UNC5D: variants seen among roughly 807,000 people sequenced by gnomAD.
UNC5D encodes the protein netrin receptor UNC5D.
Under a neutral mutation model 105.4 loss-of-function variants are expected in UNC5D, and 39 were observed. That is an observed-to-expected ratio of 0.37 (90% CI 0.29 to 0.48). UNC5D has a LOEUF of 0.48. Ranked by LOEUF, UNC5D falls within the 20% of genes least tolerant of loss-of-function variation. The pLI, the probability that UNC5D is intolerant of heterozygous loss-of-function variation, is 0.98. For missense variants in UNC5D, 991 were observed against 1,202.4 expected (o/e 0.82, Z 2.60); for synonymous variants, 452 against 450.4 (o/e 1.00, Z -0.04).
At chr8:35,659,415 A>G (rs1367606939) in intron 4 of UNC5D, among the ~76,000 whole-genome samples, 1 of 152,242 alleles carries the variant, frequency 6.6e-6, no homozygotes, top group Non-Finnish European at 1.5e-5. Context: ...CAATGTGATC[A>G]TGGAAACAAA....
chr8:35,668,792 C>T (rs1185430106), intron 4 of UNC5D, among the ~76,000 whole-genome samples: 9 of 152,084 alleles, frequency 5.9e-5, no homozygotes, highest in Non-Finnish European at 1.3e-4. Flanking sequence ...TTTTAATTAA[C>T]ACACTGTGGA....
chr8:35,271,608 A>T (rs1307452158), intron 1 of UNC5D, among the ~76,000 whole-genome samples: 1 of 145,588 alleles, frequency 6.9e-6, no homozygotes, highest in Admixed American at 6.9e-5. Context: ...TACATGTATT[A>T]TATATTATAT....
intron 1 of UNC5D, among the ~76,000 whole-genome samples, chr8:35,343,071 A>C (rs555653799): frequency 6.6e-6 from 1 of 152,190 alleles, no homozygotes; most frequent in African/African-American, 2.4e-5. Flanking sequence ...TTCTGGGATG[A>C]GCCCTAAGGA....
In UNC5D at chr8:35,248,922, A is replaced by G. The variant is rs1298932913; in HGVS notation, c.103+13035A>G. On this transcript the variant is annotated intron_variant, in intron 1 of 16. Transcript: ENST00000404895. ...TATAATATATTATATATAAACATAT[A>G]TAATATAAATATATAATATATTATA... 7.5e-5 allele frequency among the ~76,000 whole-genome samples: 7 copies of G among 93,594 alleles called. No individual in the cohort carries two copies. In the East Asian group the frequency reaches 1.5e-3, roughly 20 times the overall value. The allele number at this position is 93,594 out of a possible 152,430, so 61.4% of individuals were successfully genotyped here.
At chr8:35,530,000 A>G (rs1814218609) in intron 1 of UNC5D, among the ~76,000 whole-genome samples, 1 of 150,622 alleles carries the variant, frequency 6.6e-6, no homozygotes, top group Admixed American at 6.6e-5. Flanking sequence ...AACAGGGACA[A>G]TTTGACTTCC....
At chr8:35,303,264 T>C (rs1248375036) in intron 1 of UNC5D, among the ~76,000 whole-genome samples, 2 of 152,178 alleles carry the variant, frequency 1.3e-5, no homozygotes, top group Non-Finnish European at 2.9e-5. Context: ...AATAGGTTTA[T>C]AGACCCAAAG....
chr8:35,290,769 A>G (rs778440030), intron 1 of UNC5D, among the ~76,000 whole-genome samples: 1 of 151,908 alleles, frequency 6.6e-6, no homozygotes, highest in Non-Finnish European at 1.5e-5. Flanking sequence ...ACCAACGTGG[A>G]GAAACCCCAT....
chr8:35,304,278 G>T (rs1585538619), intron 1 of UNC5D, among the ~76,000 whole-genome samples: 1 of 151,912 alleles, frequency 6.6e-6, no homozygotes, highest in Non-Finnish European at 1.5e-5. Context: ...CTGTTGATTT[G>T]CATTTTTGAC....
In UNC5D at chr8:35,500,856, C is replaced by T. The variant is rs1811919377; in HGVS notation, c.104-48436C>T. 2.0e-5 allele frequency among the ~76,000 whole-genome samples: 3 copies of T among 152,276 alleles called. No homozygotes were observed. In the South Asian group the frequency reaches 6.2e-4, roughly 32 times the overall value. ...CACATTTAGGGGCAAGGGAGAATGACAAGTATGACATTTTAAAATGTTTTA... is the reference window on the plus strand; with the variant it reads ...CACATTTAGGGGCAAGGGAGAATGATAAGTATGACATTTTAAAATGTTTTA... On this transcript the variant is annotated intron_variant, in intron 1 of 16. Coordinates refer to ENST00000404895, the MANE Select transcript of UNC5D (RefSeq NM_080872.4).
chr8:35,295,982 T>A (rs1807456174), intron 1 of UNC5D, among the ~76,000 whole-genome samples: 1 of 152,226 alleles, frequency 6.6e-6, no homozygotes, highest in Non-Finnish European at 1.5e-5. Context: ...GGTTCATCTA[T>A]GTTGTCACAA....
intron 1 of UNC5D, among the ~76,000 whole-genome samples, chr8:35,461,287 G>A (rs1268760879): frequency 6.6e-6 from 1 of 152,118 alleles, no homozygotes; most frequent in Non-Finnish European, 1.5e-5. Flanking sequence ...TGAGCTGGGG[G>A]CCTTTTTATG....
At chr8:35,271,575 G>T (rs1805340490) in intron 1 of UNC5D, among the ~76,000 whole-genome samples, 1 of 140,724 alleles carries the variant, frequency 7.1e-6, no homozygotes, top group Admixed American at 7.1e-5. Context: ...TATTTATACA[G>T]GCATACATAT....
chr8:35,605,128 TAG>T (rs1820198585), intron 4 of UNC5D, among the ~76,000 whole-genome samples: 1 of 152,192 alleles, frequency 6.6e-6, no homozygotes, highest in African/African-American at 2.4e-5. Context: ...CTCTGCTTTT[TAG>T]AGTTTCCGGT....
At chr8:35,494,556 C>T (rs1811426728) in intron 1 of UNC5D, among the ~76,000 whole-genome samples, 1 of 152,036 alleles carries the variant, frequency 6.6e-6, no homozygotes, top group African/African-American at 2.4e-5. Flanking sequence ...GAATTGATTT[C>T]CTAAGAATTA....
rs147675041 is a variant in UNC5D at position 35,730,919 on chromosome 8, C to A, written c.1682-93C>A. ...TTCATAAATTGCCATGAGAAAGTAG[C>A]TTGTTTTCCAGGTATCTGTAAGGTG... On this transcript the variant is annotated intron_variant, in intron 10 of 16. Transcript: ENST00000404895. 7.0e-3 allele frequency: 7,588 copies of A among 1,088,452 alleles called. 53 individuals carry two copies. The highest frequency in any genetic ancestry group is 7.4e-3 in the Non-Finnish European group (5,495 of 742,804). 67.4% of individuals were successfully genotyped at this position (1,088,452 alleles called of 1,614,324 possible).
At chr8:35,345,712 A>G (rs1158801295) in intron 1 of UNC5D, among the ~76,000 whole-genome samples, 1 of 152,042 alleles carries the variant, frequency 6.6e-6, no homozygotes, top group African/African-American at 2.4e-5. Context: ...TTTAGAGGAT[A>G]TGAAACACAT....
At chr8:35,357,798 G>T (rs1326459953) in intron 1 of UNC5D, among the ~76,000 whole-genome samples, 1 of 152,046 alleles carries the variant, frequency 6.6e-6, no homozygotes, top group East Asian at 1.9e-4. Flanking sequence ...GATCCTCTGG[G>T]TCAAGAAATT....
chr8:35,317,872 T>A (rs1314128057), intron 1 of UNC5D, among the ~76,000 whole-genome samples: 1 of 152,158 alleles, frequency 6.6e-6, no homozygotes, highest in African/African-American at 2.4e-5. Flanking sequence ...GCCTTCTACT[T>A]AGACAAGACA....
chr8:35,319,570 T>G (rs1324316857), intron 1 of UNC5D, among the ~76,000 whole-genome samples: 1 of 152,156 alleles, frequency 6.6e-6, no homozygotes, highest in Non-Finnish European at 1.5e-5. Flanking sequence ...CATGAACTTC[T>G]GCCTTTCTCT....
Sources: gnomAD v4.1 joint callset for allele counts (sites outside exome capture counted in the v4.1 genomes callset) on GRCh38, gnomAD v4.1.1 for gene constraint, MANE v1.5 for transcripts, NCBI Gene and HGNC (gene_info 2026-07-23, HGNC 2026-07-21) for gene names.